PRELID2: variants seen among roughly 807,000 people sequenced by gnomAD.
The protein encoded by PRELID2 is PRELI domain-containing protein 2.
In PRELID2, 25 loss-of-function variants were observed where a neutral mutation model predicts 28.4. The observed-to-expected ratio is 0.88, with a 90% CI of 0.64 to 1.23. PRELID2 has a LOEUF of 1.23. PRELID2 is among the 50% of genes most tolerant of loss of function. PRELID2 has a pLI of 0.00. For missense variants in PRELID2, 201 were observed against 214.4 expected (o/e 0.94, Z 0.39); for synonymous variants, 76 against 71.6 (o/e 1.06, Z -0.31).
the PRELID2 span, among the ~76,000 whole-genome samples, chr5:145,373,949 A>G: frequency 1.4e-5 from 2 of 143,000 alleles, no homozygotes; most frequent in African/African-American, 5.1e-5. Context: ...TATATATGAT[A>G]TTATATGTTA....
At chr5:145,586,411 G>A (rs1359345712) in intron 1 of PRELID2, among the ~76,000 whole-genome samples, 1 of 152,088 alleles carries the variant, frequency 6.6e-6, no homozygotes, top group Non-Finnish European at 1.5e-5. Flanking sequence ...GGGAGGCTGA[G>A]GCAGGTGGAT....
At chr5:145,316,181 T>C in the PRELID2 span, among the ~76,000 whole-genome samples, 2 of 152,336 alleles carry the variant, frequency 1.3e-5, no homozygotes, top group Admixed American at 1.3e-4. Flanking sequence ...TTCTTGGTCT[T>C]TTGGGTCTTT....
chr5:145,545,958 A>G (rs1054002892), intron 1 of PRELID2, among the ~76,000 whole-genome samples: 1 of 152,154 alleles, frequency 6.6e-6, no homozygotes, highest in Non-Finnish European at 1.5e-5. Flanking sequence ...AAGGATCCAA[A>G]TCTATAGATA....
intron 1 of PRELID2, among the ~76,000 whole-genome samples, chr5:145,498,978 A>G (rs1264219674): frequency 6.6e-6 from 1 of 152,230 alleles, no homozygotes; most frequent in Non-Finnish European, 1.5e-5. Flanking sequence ...GTTAAAAAAA[A>G]GACAAAATAT....
chr5:145,834,171 AC>A (rs1400117584), intron 1 of PRELID2, among the ~76,000 whole-genome samples: 2 of 152,378 alleles, frequency 1.3e-5, no homozygotes, highest in East Asian at 1.9e-4. Flanking sequence ...TAGAGCCCTA[AC>A]TAAACATCAG....
At chr5:145,257,052 A>T in the PRELID2 span, among the ~76,000 whole-genome samples, 1 of 151,988 alleles carries the variant, frequency 6.6e-6, no homozygotes, top group Non-Finnish European at 1.5e-5. Context: ...AAAGAAAAAA[A>T]TTCTATAAAG....
At chr5:145,429,423 T>TG in the PRELID2 span, among the ~76,000 whole-genome samples, 1 of 152,026 alleles carries the variant, frequency 6.6e-6, no homozygotes, top group Non-Finnish European at 1.5e-5. Context: ...GGAAACCATC[T>TG]GGGGGAGAGG....
At chr5:145,554,744 CT>C (rs1752865736) in intron 1 of PRELID2, among the ~76,000 whole-genome samples, 1 of 152,170 alleles carries the variant, frequency 6.6e-6, no homozygotes, top group African/African-American at 2.4e-5. Context: ...TTTTGTTTGA[CT>C]TTTCAAGAAC....
intron 1 of PRELID2, among the ~76,000 whole-genome samples, chr5:145,746,159 A>G (rs1052767832): frequency 2.0e-4 from 31 of 152,222 alleles, no homozygotes; most frequent in Non-Finnish European, 2.2e-4. Flanking sequence ...AAATTCATAT[A>G]TAACAATACT....
intron 1 of PRELID2, among the ~76,000 whole-genome samples, chr5:145,678,361 A>G (rs1437036011): frequency 6.6e-6 from 1 of 152,204 alleles, no homozygotes. Context: ...AAACATCCAA[A>G]GAAATGCTTC....
intron 5 of PRELID2, among the ~76,000 whole-genome samples, chr5:145,765,237 G>A (rs1008276744): frequency 2.6e-5 from 4 of 152,108 alleles, no homozygotes; most frequent in Non-Finnish European, 4.4e-5. Context: ...GCTTATGATC[G>A]CCATTTTAAA....
the PRELID2 span, among the ~76,000 whole-genome samples, chr5:145,336,559 G>A: frequency 1.3e-5 from 2 of 151,948 alleles, no homozygotes; most frequent in East Asian, 3.9e-4. Flanking sequence ...GTTTTTCTCA[G>A]GTTTGTCAAA....
intron 2 of PRELID2, among the ~76,000 whole-genome samples, chr5:145,822,670 G>A (rs185031916): frequency 6.6e-6 from 1 of 152,226 alleles, no homozygotes; most frequent in Non-Finnish European, 1.5e-5. Context: ...TAACTTCTCT[G>A]TATCCCAGTT....
chr5:145,647,145 C>T (rs979724429), intron 1 of PRELID2, among the ~76,000 whole-genome samples: 2 of 152,172 alleles, frequency 1.3e-5, no homozygotes, highest in African/African-American at 4.8e-5. Flanking sequence ...GGTGCTCTGT[C>T]CCAGGGAGAT....
At chr5:145,714,810 T>C (rs1332559632) in intron 1 of PRELID2, among the ~76,000 whole-genome samples, 1 of 152,146 alleles carries the variant, frequency 6.6e-6, no homozygotes, top group Non-Finnish European at 1.5e-5. Context: ...TTTCTTCTTG[T>C]TGCTTCTGTG....
At chr5:145,588,916 G>A (rs2149629587) in intron 1 of PRELID2, among the ~76,000 whole-genome samples, 1 of 151,804 alleles carries the variant, frequency 6.6e-6, no homozygotes, top group South Asian at 2.1e-4. Context: ...CCTGATTATA[G>A]GAGTGATATA....
At chr5:145,348,568 A>G in the PRELID2 span, among the ~76,000 whole-genome samples, 2 of 152,138 alleles carry the variant, frequency 1.3e-5, no homozygotes, top group African/African-American at 4.8e-5. Flanking sequence ...TAGTACAAAT[A>G]TGTTAAGACA....
chr5:145,712,099 C>G (rs997317463), intron 1 of PRELID2, among the ~76,000 whole-genome samples: 2 of 152,198 alleles, frequency 1.3e-5, no homozygotes, highest in Non-Finnish European at 2.9e-5. Flanking sequence ...AGCCCTGATA[C>G]AATCAGCTAA....
At chr5:145,249,265 A>T in the PRELID2 span, among the ~76,000 whole-genome samples, 2 of 152,138 alleles carry the variant, frequency 1.3e-5, no homozygotes, top group Non-Finnish European at 2.9e-5. Context: ...TTAGTCAATA[A>T]CTATTTTGCT....
Sources: gnomAD v4.1 joint callset for allele counts (sites outside exome capture counted in the v4.1 genomes callset) on GRCh38, gnomAD v4.1.1 for gene constraint, MANE v1.5 for transcripts, NCBI Gene and HGNC (gene_info 2026-07-23, HGNC 2026-07-21) for gene names.